Variants in CERT1 observed in about 807,000 individuals in gnomAD.
CERT1 encodes the protein ceramide transporter 1, also known as ceramide transfer protein.
A neutral mutation model predicts 87.9 loss-of-function variants in CERT1; 31 were observed. The ratio of observed to expected loss-of-function variants is 0.35; its 90% confidence interval spans 0.27 to 0.48. The LOEUF (loss-of-function observed/expected upper bound fraction) is 0.48. CERT1 is among the 20% of genes least tolerant of loss of function. CERT1 has a pLI of 0.99. For missense variants in CERT1, 487 were observed against 758.0 expected (o/e 0.64, Z 4.20); for synonymous variants, 289 against 250.9 (o/e 1.15, Z -1.44).
downstream of CERT1, chr5:75,375,583 AAATAAAT>A: frequency 2.1e-5 from 1 of 47,596 alleles, no homozygotes; most frequent in African/African-American, 3.4e-4. Flanking sequence ...TGCTGTCTCA[AAATAAAT>A]AAATAAATAA....
intron 8 of CERT1, among the ~76,000 whole-genome samples, chr5:75,408,863 G>A (rs891626355): frequency 2.6e-5 from 4 of 151,386 alleles, no homozygotes; most frequent in Admixed American, 2.6e-4. Flanking sequence ...TTTTGGCTTT[G>A]AAACTAGTAA....
chr5:75,470,640 C>G (rs112045469), intron 2 of CERT1, among the ~76,000 whole-genome samples: 2 of 152,120 alleles, frequency 1.3e-5, no homozygotes, highest in African/African-American at 4.8e-5. Context: ...CCATATGCAA[C>G]AACTCACAGC....
At chr5:75,492,492 G>A (rs2112432019) in intron 2 of CERT1, among the ~76,000 whole-genome samples, 1 of 152,250 alleles carries the variant, frequency 6.6e-6, no homozygotes. Flanking sequence ...GATACCAGAG[G>A]AGGAAAAGGC....
At chr5:75,467,794 G>A (rs1191171157) in intron 2 of CERT1, among the ~76,000 whole-genome samples, 1 of 152,090 alleles carries the variant, frequency 6.6e-6, no homozygotes, top group Admixed American at 6.5e-5. Flanking sequence ...TGTAAAACTG[G>A]TAAAATATAA....
intron 2 of CERT1, among the ~76,000 whole-genome samples, chr5:75,466,145 T>C (rs1259066938): frequency 6.6e-6 from 1 of 152,202 alleles, no homozygotes; most frequent in East Asian, 1.9e-4. Context: ...GCAAACTATA[T>C]TTCTCCTCTG....
intron 3 of CERT1, among the ~76,000 whole-genome samples, chr5:75,444,075 TTTTG>T (rs1369740173): frequency 2.0e-5 from 3 of 152,176 alleles, no homozygotes; most frequent in African/African-American, 7.2e-5. Flanking sequence ...TGATCATTTT[TTTTG>T]TTTGTTTTTG....
intron 3 of CERT1, among the ~76,000 whole-genome samples, chr5:75,453,225 G>A (rs1459227230): frequency 6.6e-6 from 1 of 151,994 alleles, no homozygotes; most frequent in Non-Finnish European, 1.5e-5. Context: ...CAAACCATGA[G>A]GATTTTAAGG....
Position 75,511,444 on chromosome 5 carries a change from C to T in CERT1, c.-237G>A, listed in dbSNP as rs866911687. ...GGAAGCCTACCCTTCCAGCCGTCAGCCGCCGCCGCCGTCGCCGTGACCCCT... is the reference window on the plus strand; with the variant it reads ...GGAAGCCTACCCTTCCAGCCGTCAGTCGCCGCCGCCGTCGCCGTGACCCCT... On this transcript the variant is annotated 5_prime_UTR_variant, in exon 1 of 17. Coordinates refer to ENST00000643780, the MANE Select transcript of CERT1 (RefSeq NM_001379029.1). 6.5e-7 allele frequency: 1 copy of T among 1,527,428 alleles called. No homozygotes were observed. The highest frequency in any genetic ancestry group is 8.8e-7 in the Non-Finnish European group (1 of 1,136,444). 94.6% of individuals were successfully genotyped at this position (1,527,428 alleles called of 1,614,324 possible).
chr5:75,387,623 T>C (rs1761851478), intron 12 of CERT1, among the ~76,000 whole-genome samples: 1 of 150,360 alleles, frequency 6.7e-6, no homozygotes, highest in African/African-American at 2.5e-5. Context: ...GTGCCTGTAA[T>C]CCCAGCTACC....
chr5:75,440,682 A>G (rs1764286443), intron 3 of CERT1, among the ~76,000 whole-genome samples: 1 of 152,112 alleles, frequency 6.6e-6, no homozygotes, highest in African/African-American at 2.4e-5. Flanking sequence ...TGTCTTAAGC[A>G]ATGACTTACC....
At chr5:75,418,683 A>T (rs1763244424) in intron 6 of CERT1, among the ~76,000 whole-genome samples, 1 of 152,224 alleles carries the variant, frequency 6.6e-6, no homozygotes, top group African/African-American at 2.4e-5. Flanking sequence ...TGATATATGC[A>T]ACAATAATGA....
At chr5:75,410,958 T>C in intron 8 of CERT1, 53 bp downstream of exon 8, 3 of 955,410 alleles carry the variant, frequency 3.1e-6, no homozygotes, top group Non-Finnish European at 4.8e-6. Context: ...AAAATCACTT[T>C]TGTGATAGAC....
intron 2 of CERT1, among the ~76,000 whole-genome samples, chr5:75,478,435 A>C (rs1766074274): frequency 6.6e-6 from 1 of 152,206 alleles, no homozygotes; most frequent in Admixed American, 6.5e-5. Context: ...GTGACTAGGG[A>C]AATCTAAGTG....
chr5:75,406,910 AG>A (rs557806974), intron 8 of CERT1, among the ~76,000 whole-genome samples: 83 of 152,330 alleles, frequency 5.4e-4, no homozygotes, highest in Admixed American at 2.3e-3. Context: ...TACAGAAGTC[AG>A]AAACACTTAG....
intron 3 of CERT1, among the ~76,000 whole-genome samples, chr5:75,428,326 G>C (rs1363332739): frequency 6.6e-6 from 1 of 151,890 alleles, no homozygotes; most frequent in Non-Finnish European, 1.5e-5. Context: ...CGTGCAATTT[G>C]CAATAAAATG....
At chr5:75,386,198 A>G in intron 12 of CERT1, 164 bp from the exon 13 acceptor site, 1 of 473,090 alleles carries the variant, frequency 2.1e-6, no homozygotes. Context: ...AACAGACAAA[A>G]AAGTACTTAA....
chr5:75,469,503 G>A (rs1281649877), intron 2 of CERT1, among the ~76,000 whole-genome samples: 1 of 152,076 alleles, frequency 6.6e-6, no homozygotes, highest in Non-Finnish European at 1.5e-5. Context: ...CTGAGGGACA[G>A]TGTAGTAAAA....
chr5:75,416,843 A>T (rs762478771), intron 7 of CERT1, 33 bp downstream of exon 7: 1 of 1,537,780 alleles, frequency 6.5e-7, no homozygotes, highest in South Asian at 1.2e-5. Flanking sequence ...CTTAAATGTG[A>T]TTATTTTTAA....
chr5:75,469,091 G>C (rs1375276896), intron 2 of CERT1, among the ~76,000 whole-genome samples: 1 of 151,864 alleles, frequency 6.6e-6, no homozygotes, highest in African/African-American at 2.4e-5. Context: ...CAAATGACAA[G>C]ATGAGAAAAT....
Sources: gnomAD v4.1 joint callset for allele counts (sites outside exome capture counted in the v4.1 genomes callset) on GRCh38, gnomAD v4.1.1 for gene constraint, MANE v1.5 for transcripts, NCBI Gene and HGNC (gene_info 2026-07-23, HGNC 2026-07-21) for gene names.